The following NTRK3 variants were observed in gnomAD, a reference collection of about 807,000 sequenced individuals.
The protein encoded by NTRK3 is NT-3 growth factor receptor.
NTRK3 carries 24 observed loss-of-function variants against 91.7 expected under a neutral mutation model. The observed-to-expected ratio is 0.26, with a 90% CI of 0.19 to 0.37. The LOEUF (loss-of-function observed/expected upper bound fraction) is 0.37, where lower values mean the gene tolerates loss of function less well. Ranked by LOEUF, NTRK3 falls within the 10% of genes least tolerant of loss-of-function variation. The pLI, the probability that NTRK3 is intolerant of heterozygous loss-of-function variation, is 1.00. For missense variants in NTRK3, 880 were observed against 1,068.9 expected, an observed-to-expected ratio of 0.82 and a Z score of 2.46; for synonymous variants, 483 against 404.0, an observed-to-expected ratio of 1.20 and a Z score of -2.34.
rs1181028004 is a variant in NTRK3 at position 88,044,254 on chromosome 15, C to CTTT, written c.1397-11212_1397-11210dup. Among the ~76,000 whole-genome samples, 753 of 78,482 alleles carry CTTT rather than the reference C, an allele frequency of 9.6e-3. 24 individuals carry two copies. The highest frequency in any genetic ancestry group is 0.013 in the Non-Finnish European group (548 of 42,992). The allele number at this position is 78,482 out of a possible 152,430, so 51.5% of individuals were successfully genotyped here. The stretch of plus-strand genomic sequence containing the variant: ...GCTGTGGGATTCCCAAGTCTATGTT[C>CTTT]TTTTTTTTTTTTTTTTTTTTTTTTG... On this transcript the variant is annotated intron_variant, in intron 13 of 18. Coordinates refer to ENST00000394480, the Ensembl canonical transcript of NTRK3.
chr15:87,860,124 G>A (rs1596023101), exon 19 of NTRK3: 1 of 217,508 alleles, frequency 4.6e-6, no homozygotes, highest in East Asian at 6.7e-5. Flanking sequence ...GTGTCATGGT[G>A]TTAAATCTCT....
intron 14 of NTRK3, among the ~76,000 whole-genome samples, chr15:87,952,198 G>A (rs1056903841): frequency 1.2e-4 from 16 of 132,370 alleles, no homozygotes; most frequent in African/African-American, 3.5e-4. Flanking sequence ...AAGAAGAAAG[G>A]AAAGAAAGAA....
At chr15:88,107,003 T>C (rs1254236954) in intron 13 of NTRK3, among the ~76,000 whole-genome samples, 1 of 152,060 alleles carries the variant, frequency 6.6e-6, no homozygotes, top group Non-Finnish European at 1.5e-5. Context: ...CATAGATATA[T>C]GTGCATATGT....
chr15:87,956,734 C>A (rs2071703420), intron 14 of NTRK3, among the ~76,000 whole-genome samples: 1 of 149,416 alleles, frequency 6.7e-6, no homozygotes. Context: ...ACATGCCTGG[C>A]TAATTTTTGT....
chr15:88,151,524 G>A (rs1026162289), intron 5 of NTRK3, among the ~76,000 whole-genome samples: 1 of 152,182 alleles, frequency 6.6e-6, no homozygotes, highest in African/African-American at 2.4e-5. Flanking sequence ...TGGCACCCAA[G>A]TATGGCAGGA....
At chr15:88,173,145 T>A (rs1436238833) in intron 5 of NTRK3, among the ~76,000 whole-genome samples, 1 of 152,160 alleles carries the variant, frequency 6.6e-6, no homozygotes, top group African/African-American at 2.4e-5. Flanking sequence ...CTCAGTGTTA[T>A]CATGTGCCAT....
intron 14 of NTRK3, among the ~76,000 whole-genome samples, chr15:88,017,567 G>A (rs1293028923): frequency 6.6e-6 from 1 of 152,192 alleles, no homozygotes; most frequent in African/African-American, 2.4e-5. Context: ...GTTTGCAGTG[G>A]TTGGTTCAAC....
intron 3 of NTRK3, among the ~76,000 whole-genome samples, chr15:88,213,671 G>A (rs757330867): frequency 1.3e-5 from 2 of 152,234 alleles, no homozygotes; most frequent in East Asian, 1.9e-4. Flanking sequence ...AACTTATTAC[G>A]GCCCTCACAC....
chr15:88,021,022 T>C (rs1270620602), intron 14 of NTRK3, among the ~76,000 whole-genome samples: 1 of 152,168 alleles, frequency 6.6e-6, no homozygotes, highest in East Asian at 1.9e-4. Context: ...CAGATCTGCC[T>C]GGAAACGAGG....
At chr15:88,078,607 A>G (rs1269797647) in intron 13 of NTRK3, among the ~76,000 whole-genome samples, 1 of 152,148 alleles carries the variant, frequency 6.6e-6, no homozygotes, top group African/African-American at 2.4e-5. Flanking sequence ...CCAAGATCGC[A>G]CCATTGCACT....
At chr15:87,906,274 A>G (rs1011784817) in intron 17 of NTRK3, among the ~76,000 whole-genome samples, 5 of 152,240 alleles carry the variant, frequency 3.3e-5, no homozygotes, top group African/African-American at 1.2e-4. Context: ...CAAAGCCCCT[A>G]TCAAGGTGCC....
rs183768563 is a variant in NTRK3, at chr15:88,236,844, A to G, written c.248+19062T>C. ...AAAAGAAAAGAAAAATCTCCCAAAC[A>G]GTGGCTCCCCCTGGGGAGGCAATGG... On this transcript the variant is annotated intron_variant, in intron 3 of 18. Transcript: ENST00000394480. 4.7e-4 allele frequency among the ~76,000 whole-genome samples: 72 copies of G among 151,600 alleles called. No individual in the cohort carries two copies. The East Asian group carries it at 0.013, about 27-fold the overall frequency.
At chr15:88,175,835 A>G (rs2045941792) in intron 5 of NTRK3, among the ~76,000 whole-genome samples, 1 of 152,234 alleles carries the variant, frequency 6.6e-6, no homozygotes, top group Admixed American at 6.5e-5. Flanking sequence ...TATATGTGAT[A>G]AAGCCAGAAT....
chr15:88,003,760 A>G (rs536160357), intron 14 of NTRK3, among the ~76,000 whole-genome samples: 2 of 152,268 alleles, frequency 1.3e-5, no homozygotes, highest in South Asian at 4.1e-4. Flanking sequence ...GTCAAACCTC[A>G]TGAAAATCTT....
intron 17 of NTRK3, among the ~76,000 whole-genome samples, chr15:87,908,989 G>A (rs1191793161): frequency 6.6e-6 from 1 of 152,020 alleles, no homozygotes; most frequent in Non-Finnish European, 1.5e-5. Context: ...AGAATTTTCA[G>A]CCCCTTAGGT....
chr15:88,256,600 C>A (rs1332273280), intron 1 of NTRK3, 44 bp downstream of exon 1: 1 of 477,108 alleles, frequency 2.1e-6, no homozygotes, highest in Non-Finnish European at 3.6e-6. Context: ...GGACACACCA[C>A]GCACCTGCAA....
At chr15:88,222,176 C>T (rs1488133655) in intron 3 of NTRK3, among the ~76,000 whole-genome samples, 2 of 152,224 alleles carry the variant, frequency 1.3e-5, no homozygotes, top group Non-Finnish European at 1.5e-5. Context: ...CTCTGTGACA[C>T]GGGCATAGGA....
chr15:88,203,979 C>T (rs1216350400), intron 3 of NTRK3, among the ~76,000 whole-genome samples: 1 of 152,176 alleles, frequency 6.6e-6, no homozygotes, highest in African/African-American at 2.4e-5. Context: ...CCATCATCTA[C>T]ATTTTAAGCC....
intron 3 of NTRK3, among the ~76,000 whole-genome samples, chr15:88,185,619 G>GAATTCTA (rs1247317234): frequency 6.6e-6 from 1 of 152,164 alleles, no homozygotes; most frequent in African/African-American, 2.4e-5. Context: ...CAGTGGCCAT[G>GAATTCTA]AATTCTAAGT....
Sources: allele counts gnomAD v4.1 joint callset (sites outside exome capture counted in the v4.1 genomes callset), GRCh38; gene constraint gnomAD v4.1.1; transcripts MANE v1.5; gene names NCBI Gene and HGNC (gene_info 2026-07-23, HGNC 2026-07-21).